PLXND1: variants seen among roughly 807,000 people sequenced by gnomAD.
The protein encoded by PLXND1 is plexin-D1.
A neutral mutation model predicts 197.7 loss-of-function variants in PLXND1; 54 were observed. That is an observed-to-expected ratio of 0.27 (90% CI 0.22 to 0.34). The LOEUF (loss-of-function observed/expected upper bound fraction) is 0.34, where lower values mean the gene tolerates loss of function less well. Among genes scored for constraint, PLXND1 ranks in the 10% least tolerant of loss-of-function variants. PLXND1 has a pLI of 1.00. For missense variants in PLXND1, 2,127 were observed against 2,699.2 expected (o/e 0.79, Z 4.70); for synonymous variants, 1,180 against 1,161.2 (o/e 1.02, Z -0.33).
chr3:129,572,253 G>A (rs748451893), intron 15 of PLXND1, among the ~76,000 whole-genome samples: 7 of 152,122 alleles, frequency 4.6e-5, no homozygotes, highest in Non-Finnish European at 1.0e-4. Flanking sequence ...CACAATAAGT[G>A]CATAATAAAG....
rs146450084 is a variant in PLXND1, at chr3:129,563,050, G to A, written c.4668+44C>T. On this transcript the variant is annotated intron_variant, in intron 26 of 35. Coordinates refer to ENST00000324093, the MANE Select transcript of PLXND1 (RefSeq NM_015103.3). ...GGAAGGCTGGGTCAATGCCGTTGGC[G>A]GCGACACAGCAGCCCTGGGACCCTC... 1.4e-3 allele frequency: 2,290 copies of A among 1,611,718 alleles called. 4 individuals are homozygous for A. The highest frequency in any genetic ancestry group is 4.7e-3 in the African/African-American group (349 of 74,932).
rs761754387 is a variant in PLXND1 at position 129,571,818 on chromosome 3, G to C, written c.3104C>G (p.Thr1035Ser). Residue 1035 changes from threonine to serine, a missense_variant, in exon 16 of 36, where the codon ACC (threonine) becomes AGC (serine). Physicochemically the swap from Thr to Ser is moderately conservative, Grantham distance 58. Transcript: ENST00000324093. ...AGCCGGCAGGGCCCCCTCAGGCATG[G>C]TGCAGGCGATGCTGGTATCTGTGCG... ...LMRTDTSIAC[T>S]MPEGALPAPV... is the part of the protein sequence containing the mutation. The C allele has an allele frequency of 3.1e-6, 5 of 1,612,934 alleles. No individual in the cohort carries two copies. The South Asian group carries it at 4.4e-5, about 14-fold the overall frequency.
At chr3:129,560,959 GGA>G (rs2085049638) in intron 29 of PLXND1, 2 of 651,138 alleles carry the variant, frequency 3.1e-6, no homozygotes, top group African/African-American at 1.8e-5. Flanking sequence ...TGGGAGAGAC[GGA>G]GAGAGAGATA....
At chr3:129,597,485 C>T (rs987191800) in intron 1 of PLXND1, among the ~76,000 whole-genome samples, 1 of 151,326 alleles carries the variant, frequency 6.6e-6, no homozygotes, top group Non-Finnish European at 1.5e-5. Flanking sequence ...GCCTGCGGGC[C>T]CCCCCCCATT....
intron 5 of PLXND1, among the ~76,000 whole-genome samples, chr3:129,585,681 C>T (rs565322623): frequency 1.3e-5 from 2 of 152,328 alleles, no homozygotes; most frequent in Admixed American, 1.3e-4. Flanking sequence ...CCACTTGGTG[C>T]CTCAGTTTCC....
Position 129,565,968 on chromosome 3 carries a change from G to A in PLXND1, c.4241C>T (p.Ser1414Phe), listed in dbSNP as rs781284587. Reference sequence around the variant, plus strand: ...GAAGTGCTTGTTGTTGAGTAGTGAGGAGAACAAGCTAATTCCCTCTTCCAT... The same window carrying A: ...GAAGTGCTTGTTGTTGAGTAGTGAGAAGAACAAGCTAATTCCCTCTTCCAT... ...PNMEEGISLF[S>F]SLLNNKHFLI... is the part of the protein sequence containing the mutation. The change falls in exon 24 of 36, where the codon TCC (serine) becomes TTC (phenylalanine). Residue 1414 changes from serine (S) to phenylalanine (F), a missense_variant. Physicochemically the swap from Ser to Phe is radical, Grantham distance 155. Transcript: ENST00000324093. 8 of 1,613,998 alleles carry A rather than the reference G, an allele frequency of 5.0e-6. No homozygotes were observed. Among genetic ancestry groups the A allele is most frequent in the African/African-American group, 1.3e-5 (1 of 74,936 alleles).
intron 1 of PLXND1, among the ~76,000 whole-genome samples, chr3:129,590,476 G>A (rs1017203014): frequency 6.6e-5 from 10 of 152,156 alleles, no homozygotes; most frequent in African/African-American, 2.2e-4. Context: ...GTGCAGAGGA[G>A]TGAAAAGGGG....
Position 129,560,775 on chromosome 3 carries a change from CAG to C in PLXND1, c.4994-54_4994-53del, listed in dbSNP as rs749301268. 5 of 1,058,900 alleles carry C rather than the reference CAG, an allele frequency of 4.7e-6. No homozygotes were observed. In the African/African-American group the frequency reaches 6.3e-5, roughly 13 times the overall value. The allele number at this position is 1,058,900 out of a possible 1,614,324, so 65.6% of individuals were successfully genotyped here. A position where few individuals can be genotyped will look rare whatever the true frequency, so the allele number is the denominator to read the frequency against. On this transcript the variant is annotated intron_variant, in intron 29 of 35. Transcript: ENST00000324093. ...AACACGGGAGAGGAGAGGAGAGAAA[CAG>C]AAATGAAGACAGAAAGATGGAGTGA...
rs950704525 is a variant in PLXND1, at chr3:129,558,319, C to G, written c.5445+109G>C. 1.8e-6 allele frequency: 2 copies of G among 1,107,556 alleles called. No individual in the cohort carries two copies. Among genetic ancestry groups the G allele is most frequent in the African/African-American group, 3.1e-5 (2 of 64,270 alleles). 68.6% of individuals were successfully genotyped at this position (1,107,556 alleles called of 1,614,324 possible). A position where few individuals can be genotyped will look rare whatever the true frequency, so the allele number is the denominator to read the frequency against. On this transcript the variant is annotated intron_variant, in intron 33 of 35. Coordinates refer to ENST00000324093, the MANE Select transcript of PLXND1 (RefSeq NM_015103.3). This position sits in a 1 kb window ranked among gnomAD's most constrained non-coding sequence, Gnocchi z 4.1. ...AGACCTGAGATCTTTTGGTTCCCCT[C>G]CCAGGAAGATCTCTGAGCTCAGCCT... is the stretch of plus-strand genomic sequence containing the variant.
chr3:129,584,620 C>T, intron 5 of PLXND1, 58 bp from the exon 6 acceptor site: 1 of 1,509,108 alleles, frequency 6.6e-7, no homozygotes, highest in Non-Finnish European at 9.0e-7. Flanking sequence ...ACAGCCTGCC[C>T]CAGGGCTGTG....
intron 2 of PLXND1, among the ~76,000 whole-genome samples, chr3:129,588,074 C>G (rs900626430): frequency 8.5e-5 from 13 of 152,186 alleles, no homozygotes; most frequent in Admixed American, 1.3e-4. Flanking sequence ...CTGGGTGTGG[C>G]GATTTAAGGC....
rs1175038864 is a variant in PLXND1 at position 129,593,586 on chromosome 3, C to T, written c.1312-4059G>A. On this transcript the variant is annotated intron_variant, in intron 1 of 35. Coordinates refer to ENST00000324093, the MANE Select transcript of PLXND1 (RefSeq NM_015103.3). Reference sequence around the variant, plus strand: ...GACGTTCTCCAGCATGGAGCCTGTGCTCTGGAGGGAATGTTTACAAAAGAA... The same window carrying T: ...GACGTTCTCCAGCATGGAGCCTGTGTTCTGGAGGGAATGTTTACAAAAGAA... Among the ~76,000 whole-genome samples, 9 of 152,348 alleles carry T rather than the reference C, an allele frequency of 5.9e-5. No homozygotes were observed. The East Asian group carries it at 1.7e-3, about 29-fold the overall frequency.
intron 8 of PLXND1, among the ~76,000 whole-genome samples, chr3:129,579,802 A>G (rs1165779861): frequency 6.6e-6 from 1 of 152,232 alleles, no homozygotes; most frequent in Non-Finnish European, 1.5e-5. Flanking sequence ...AGCCAGGCCA[A>G]AGGCCTTGGG....
In PLXND1 at chr3:129,605,707, C is replaced by G; in HGVS notation, c.933G>C (p.Glu311Asp). ...GCGCCAGCAGGCTCCGCGCCTGGCT[C>G]TCCTTGTCGCCCGCGCGCGCCTCGC... ...LNSEARAGDK[E>D]SQARSLLARI... Residue 311 changes from glutamate (E) to aspartate (D), a missense_variant, in exon 1 of 36, where the codon GAG becomes GAC. Physicochemically the swap from Glu to Asp is conservative, Grantham distance 45 (BLOSUM62 2). Coordinates refer to ENST00000324093, the MANE Select transcript of PLXND1 (RefSeq NM_015103.3). The G allele has an allele frequency of 6.5e-7, 1 of 1,540,248 alleles. No homozygotes were observed. The highest frequency in any genetic ancestry group is 8.7e-7 in the Non-Finnish European group (1 of 1,144,914).
At chr3:129,584,270 G>A (rs775146108) in intron 6 of PLXND1, 37 bp from the exon 7 acceptor site, 2 of 1,587,742 alleles carry the variant, frequency 1.3e-6, no homozygotes, top group Admixed American at 1.7e-5. Flanking sequence ...GGACATGGGG[G>A]CAGGGGATTG....
chr3:129,596,700 G>A (rs918198314), intron 1 of PLXND1, among the ~76,000 whole-genome samples: 1 of 152,172 alleles, frequency 6.6e-6, no homozygotes, highest in South Asian at 2.1e-4. Context: ...CTGGGGCTGG[G>A]GGGACTTGGA....
Position 129,557,080 on chromosome 3 carries a change from C to A in PLXND1, c.5586+3G>T, listed in dbSNP as rs1365699875. The stretch of plus-strand genomic sequence containing the variant: ...CCCATCCCCCGCCGCCGAGCCACCG[C>A]ACCCTCGACTCCTCGGCCAGATGGG... On this transcript the variant is annotated splice_donor_region_variant and intron_variant, in intron 34 of 35. Coordinates refer to ENST00000324093, the MANE Select transcript of PLXND1 (RefSeq NM_015103.3). This position sits in a 1 kb window ranked among gnomAD's most constrained non-coding sequence, Gnocchi z 4.8. 5.6e-6 allele frequency: 9 copies of A among 1,613,806 alleles called. No homozygotes were observed. In the South Asian group the frequency reaches 7.7e-5, roughly 14 times the overall value.
At chr3:129,576,283 G>A (rs1014618263) in intron 9 of PLXND1, among the ~76,000 whole-genome samples, 1 of 152,218 alleles carries the variant, frequency 6.6e-6, no homozygotes, top group East Asian at 1.9e-4. Flanking sequence ...GCCTTTGCCT[G>A]AGCCCTCCCC....
chr3:129,588,760 C>T (rs1356621019), intron 2 of PLXND1, among the ~76,000 whole-genome samples: 1 of 152,262 alleles, frequency 6.6e-6, no homozygotes, highest in African/African-American at 2.4e-5. Context: ...GGCCCAGGCT[C>T]CGCCATGTCT....
Sources: gnomAD v4.1 joint callset for allele counts (sites outside exome capture counted in the v4.1 genomes callset) on GRCh38, gnomAD v4.1.1 for gene constraint, Gnocchi (gnomAD v3.1) non-coding constraint, MANE v1.5 for transcripts, NCBI Gene and HGNC (gene_info 2026-07-23, HGNC 2026-07-21) for gene names.